Variants in PCDH15 observed in about 807,000 individuals in gnomAD.
PCDH15 encodes the protein protocadherin related 15.
PCDH15 carries 129 observed loss-of-function variants against 178.5 expected under a neutral mutation model. The ratio of observed to expected loss-of-function variants is 0.72; its 90% CI spans 0.63 to 0.84. The LOEUF is 0.84. PCDH15 is among the 40% of genes least tolerant of loss of function. The pLI is 0.00. For synonymous variants in PCDH15, 800 were observed against 732.0 expected, an observed-to-expected ratio of 1.09 and a Z score of -1.50; for missense variants, 2,230 against 2,099.9, an observed-to-expected ratio of 1.06 and a Z score of -1.21.
intron 5 of PCDH15, among the ~76,000 whole-genome samples, chr10:54,348,958 A>G (rs1398199127): frequency 6.6e-6 from 1 of 152,114 alleles, no homozygotes; most frequent in East Asian, 1.9e-4. Context: ...CACTTAACAT[A>G]ATGTCTTCCA....
intron 1 of PCDH15, among the ~76,000 whole-genome samples, chr10:55,195,961 A>G (rs1032073636): frequency 3.9e-5 from 6 of 152,246 alleles, no homozygotes; most frequent in Admixed American, 2.0e-4. Context: ...GAGTTGCAGC[A>G]TATCACTGAA....
chr10:55,192,446 C>T (rs926457919), intron 1 of PCDH15, among the ~76,000 whole-genome samples: 5 of 151,740 alleles, frequency 3.3e-5, no homozygotes, highest in Admixed American at 1.3e-4. Context: ...CGGAGGAAAC[C>T]GACTCAGAAT....
At chr10:54,412,067 A>G (rs1395447774) in intron 3 of PCDH15, among the ~76,000 whole-genome samples, 1 of 152,060 alleles carries the variant, frequency 6.6e-6, no homozygotes, top group African/African-American at 2.4e-5. Context: ...AAGTAGAGAA[A>G]TGTGCATTAT....
At chr10:54,081,387 G>A (rs1038359833) in intron 16 of PCDH15, among the ~76,000 whole-genome samples, 3 of 151,692 alleles carry the variant, frequency 2.0e-5, no homozygotes, top group Non-Finnish European at 2.9e-5. Context: ...ACTATATGCC[G>A]TGAACAATAT....
chr10:54,133,876 CAT>C (rs757673947), intron 14 of PCDH15, among the ~76,000 whole-genome samples: 16 of 133,382 alleles, frequency 1.2e-4, no homozygotes, highest in Middle Eastern at 3.5e-3. Flanking sequence ...CACACACACA[CAT>C]ATATACACAT....
At chr10:55,620,429 A>G (rs1481300545) in intron 2 of PCDH15, among the ~76,000 whole-genome samples, 2 of 152,108 alleles carry the variant, frequency 1.3e-5, no homozygotes, top group Non-Finnish European at 2.9e-5. Flanking sequence ...CAGCAAGAAT[A>G]CACATCTACA....
At chr10:54,082,360 C>T (rs2094447917) in intron 16 of PCDH15, among the ~76,000 whole-genome samples, 2 of 152,106 alleles carry the variant, frequency 1.3e-5, no homozygotes. Context: ...TAAATAGTTT[C>T]ATGGAAAATT....
intron 1 of PCDH15, among the ~76,000 whole-genome samples, chr10:55,252,882 C>G (rs1293525768): frequency 6.6e-6 from 1 of 152,046 alleles, no homozygotes; most frequent in African/African-American, 2.4e-5. Flanking sequence ...ATTTTAAAAA[C>G]TGTCTAAAAT....
At chr10:53,822,527 A>G (rs1368795123) in intron 32 of PCDH15, 1 of 1,613,480 alleles carries the variant, frequency 6.2e-7, no homozygotes, top group Non-Finnish European at 8.5e-7. Flanking sequence ...GATGGGCAAA[A>G]TTTTCAAAAA....
chr10:54,949,269 G>A (rs1454725638), intron 2 of PCDH15, among the ~76,000 whole-genome samples: 2 of 151,796 alleles, frequency 1.3e-5, no homozygotes, highest in Admixed American at 6.6e-5. Context: ...TCATGATTAT[G>A]GTAGAAATCA....
chr10:55,347,503 T>C (rs1282158047), intron 2 of PCDH15, among the ~76,000 whole-genome samples: 1 of 152,192 alleles, frequency 6.6e-6, no homozygotes, highest in Non-Finnish European at 1.5e-5. Flanking sequence ...ATACATACTA[T>C]TTTTCATTGT....
intron 2 of PCDH15, among the ~76,000 whole-genome samples, chr10:55,159,974 T>G (rs1420315767): frequency 3.3e-5 from 5 of 151,898 alleles, no homozygotes. Context: ...ATAAAACACT[T>G]AAACATTTAT....
intron 27 of PCDH15, among the ~76,000 whole-genome samples, chr10:53,864,027 G>A (rs113379969): frequency 1.3e-5 from 2 of 152,184 alleles, no homozygotes; most frequent in Non-Finnish European, 1.5e-5. Context: ...TTCAGGAGCA[G>A]AGAAGATTTT....
chr10:54,129,805 T>A (rs2042277554), intron 15 of PCDH15, among the ~76,000 whole-genome samples: 1 of 152,116 alleles, frequency 6.6e-6, no homozygotes, highest in Non-Finnish European at 1.5e-5. Context: ...TAGGCAGGAT[T>A]TATATTATAT....
chr10:54,152,683 G>GCT (rs1007756830), intron 14 of PCDH15, among the ~76,000 whole-genome samples: 15 of 150,110 alleles, frequency 1.0e-4, no homozygotes, highest in African/African-American at 3.7e-4. Context: ...CTTTTAGCTT[G>GCT]CTGTGTGTGT....
chr10:55,308,812 G>T (rs1389625812), intron 1 of PCDH15, among the ~76,000 whole-genome samples: 1 of 152,092 alleles, frequency 6.6e-6, no homozygotes, highest in Admixed American at 6.5e-5. Context: ...AAACCACATT[G>T]CTAAAGACTT....
intron 1 of PCDH15, among the ~76,000 whole-genome samples, chr10:55,195,795 T>C (rs915709090): frequency 1.3e-5 from 2 of 152,052 alleles, no homozygotes; most frequent in African/African-American, 4.8e-5. Context: ...ATAGATGAGA[T>C]TTGCTTTTTC....
intron 2 of PCDH15, among the ~76,000 whole-genome samples, chr10:55,042,088 T>C (rs7081117): frequency 6.6e-6 from 1 of 151,864 alleles, no homozygotes; most frequent in Non-Finnish European, 1.5e-5. Flanking sequence ...TGAGCAAGCC[T>C]TTCTTGAGTA....
At chr10:55,610,125 C>T (rs1246404215) in intron 2 of PCDH15, among the ~76,000 whole-genome samples, 1 of 152,040 alleles carries the variant, frequency 6.6e-6, no homozygotes, top group African/African-American at 2.4e-5. Context: ...TTGCAGATTT[C>T]ATGGCTGAGT....
Sources: gnomAD v4.1 joint callset for allele counts (sites outside exome capture counted in the v4.1 genomes callset) on GRCh38, gnomAD v4.1.1 for gene constraint, MANE v1.5 for transcripts, NCBI Gene and HGNC (gene_info 2026-07-23, HGNC 2026-07-21) for gene names.